EFCAB8: variants seen among roughly 807,000 people sequenced by gnomAD.
EFCAB8 encodes the protein EF-hand calcium-binding domain-containing protein 8.
A neutral mutation model predicts 116.3 loss-of-function variants in EFCAB8; 100 were observed. The observed-to-expected ratio is 0.86, with a 90% CI of 0.73 to 1.02. The LOEUF (loss-of-function observed/expected upper bound fraction) is 1.02. Among genes scored for constraint, EFCAB8 ranks in the 50% least tolerant of loss-of-function variants. EFCAB8 has a pLI of 0.00. For missense variants in EFCAB8, 1,320 were observed against 1,416.9 expected (o/e 0.93, Z 1.10); for synonymous variants, 558 against 567.9 (o/e 0.98, Z 0.25).
At chr20:32,913,815 A>G (rs2146250172) in intron 17 of EFCAB8, among the ~76,000 whole-genome samples, 2 of 152,320 alleles carry the variant, frequency 1.3e-5, no homozygotes, top group South Asian at 4.1e-4. Flanking sequence ...CAAGTCAAAA[A>G]TCCATCAGGG....
chr20:32,936,772 C>G (rs1600449527), intron 22 of EFCAB8, among the ~76,000 whole-genome samples: 1 of 152,044 alleles, frequency 6.6e-6, no homozygotes, highest in African/African-American at 2.4e-5. Context: ...TCTTTTTGCT[C>G]AAGATTGTTT....
At position 32,893,170 on chromosome 20, in the gene EFCAB8, G is replaced by A. The variant is rs1222784754; in HGVS notation, c.759-4G>A. On this transcript the variant is annotated splice_region_variant and splice_polypyrimidine_tract_variant and intron_variant, in intron 8 of 26. Coordinates refer to ENST00000400522, the MANE Select transcript of EFCAB8 (RefSeq NM_001143967.2). The stretch of plus-strand genomic sequence containing the variant: ...CAACCTCTTCCGTCTCCATCTTTCT[G>A]CAGGTCTGACTATCACAGAGGTGTG... 2 of 1,551,788 alleles carry A rather than the reference G, an allele frequency of 1.3e-6. No homozygotes were observed. The highest frequency in any genetic ancestry group is 1.2e-5 in the South Asian group (1 of 84,048).
rs1985948783 is a variant in EFCAB8, at chr20:32,892,127, TG to T, written c.674-83del. On this transcript the variant is annotated intron_variant, in intron 7 of 26. Transcript: ENST00000400522. ...AGGGCTGAAGGGGCCAGAGATTCCTTGGGATAGCAATGAGGCTGCTCACTGT... is the reference window on the plus strand; with the variant it reads ...AGGGCTGAAGGGGCCAGAGATTCCTTGGATAGCAATGAGGCTGCTCACTGT... 9 of 1,201,722 alleles carry T rather than the reference TG, an allele frequency of 7.5e-6. No homozygotes were observed. The Admixed American group carries it at 1.4e-4, about 19-fold the overall frequency. 74.4% of individuals were successfully genotyped at this position (1,201,722 alleles called of 1,614,324 possible). A position where few individuals can be genotyped will look rare whatever the true frequency, so the allele number is the denominator to read the frequency against.
intron 22 of EFCAB8, among the ~76,000 whole-genome samples, chr20:32,933,990 A>G (rs186954219): frequency 4.0e-5 from 6 of 150,248 alleles, no homozygotes; most frequent in Admixed American, 2.7e-4. Flanking sequence ...AAATCAATCA[A>G]TCAAATCAAA....
intron 1 of EFCAB8, among the ~76,000 whole-genome samples, chr20:32,863,011 ATT>A (rs11478583): frequency 0.015 from 2,176 of 148,316 alleles, 58 homozygotes; most frequent in African/African-American, 0.052. Context: ...TTTGCTGCCA[ATT>A]TTTTTTTTTT....
intron 1 of EFCAB8, among the ~76,000 whole-genome samples, chr20:32,862,082 C>T (rs149789806): frequency 7.8e-4 from 118 of 152,062 alleles, no homozygotes; most frequent in African/African-American, 2.7e-3. Context: ...TGTAGCCACT[C>T]CTCAAGTTTC....
chr20:32,873,265 C>A (rs949542488), intron 3 of EFCAB8, among the ~76,000 whole-genome samples: 1 of 151,948 alleles, frequency 6.6e-6, no homozygotes, highest in Non-Finnish European at 1.5e-5. Flanking sequence ...TGGAAGGAGC[C>A]CCCTGAACTC....
In EFCAB8 at chr20:32,908,364, T is replaced by G; in HGVS notation, c.1398T>G (p.Ser466Arg). The G allele has an allele frequency of 8.0e-7, 1 of 1,249,958 alleles. No individual in the cohort carries two copies. Among genetic ancestry groups the G allele is most frequent in the Non-Finnish European group, 1.0e-6 (1 of 988,248 alleles). 77.4% of individuals were successfully genotyped at this position (1,249,958 alleles called of 1,614,324 possible). Reference protein sequence around the residue: ...FFALGNCPITSAYFFEKDNTL... With the variant: ...FFALGNCPITRAYFFEKDNTL... Reference sequence around the variant, plus strand: ...CTCTGGGAAACTGCCCCATCACCAGTGCCTACTTCTTCGAGAAGGACAATA... The same window carrying G: ...CTCTGGGAAACTGCCCCATCACCAGGGCCTACTTCTTCGAGAAGGACAATA... The change falls in exon 14 of 27, where the codon AGT (serine) becomes AGG (arginine). Residue 466 changes from serine (S) to arginine (R), a missense_variant. Physicochemically the swap from Ser to Arg is moderately radical, Grantham distance 110. Transcript: ENST00000400522.
chr20:32,911,732 C>G (rs1459348266), intron 16 of EFCAB8, 25 bp downstream of exon 16: 1 of 1,547,274 alleles, frequency 6.5e-7, no homozygotes, highest in Admixed American at 2.0e-5. Flanking sequence ...TCAATTACAG[C>G]CAGGGACGGC....
At chr20:32,907,697 C>T (rs1986741606) in intron 13 of EFCAB8, among the ~76,000 whole-genome samples, 1 of 152,340 alleles carries the variant, frequency 6.6e-6, no homozygotes, top group South Asian at 2.1e-4. Context: ...GAGCTGGGAT[C>T]ATCGCCTCTG....
In EFCAB8 at chr20:32,868,920, G is replaced by A. The variant is rs191091035; in HGVS notation, c.208+1173G>A. On this transcript the variant is annotated intron_variant, in intron 3 of 26. Transcript: ENST00000400522. ...GAATCGCTTGAATCTGGGAAGCAGA[G>A]GTTGCAGTGAGCCAAGGTCATGCCA... 1.6e-4 allele frequency among the ~76,000 whole-genome samples: 24 copies of A among 152,202 alleles called. 1 individual carries two copies. Among genetic ancestry groups the A allele is most frequent in the Non-Finnish European group, 3.5e-4 (24 of 68,008 alleles).
chr20:32,937,411 C>T (rs1460848602), intron 22 of EFCAB8, among the ~76,000 whole-genome samples: 1 of 152,106 alleles, frequency 6.6e-6, no homozygotes, highest in East Asian at 1.9e-4. Flanking sequence ...TGGTTTCTAA[C>T]TTTTCATTAT....
chr20:32,909,129 C>T (rs952512476), intron 14 of EFCAB8, among the ~76,000 whole-genome samples: 1 of 152,216 alleles, frequency 6.6e-6, no homozygotes, highest in South Asian at 2.1e-4. Flanking sequence ...CTCCCACGCT[C>T]CGTGGGCTGG....
chr20:32,961,607 T>A lies in EFCAB8; in HGVS notation c.3865T>A (p.Ter1289ArgextTer67). ...GAAGGGGAGCTCCCATGTCAGGTTC[T>A]GAGGTGCTCCGCTGTCTTCTCTAGT... ...SVKGSSHVRF[*>R] Residue 1289 changes from the stop codon to arginine (R), a stop_lost, in exon 27 of 27, where the codon TGA becomes AGA. Transcript: ENST00000400522. The A allele has an allele frequency of 7.5e-7, 1 of 1,329,402 alleles. No homozygotes were observed. Among genetic ancestry groups the A allele is most frequent in the Non-Finnish European group, 9.6e-7 (1 of 1,039,608 alleles). 82.4% of individuals were successfully genotyped at this position (1,329,402 alleles called of 1,614,324 possible). A position where few individuals can be genotyped will look rare whatever the true frequency, so the allele number is the denominator to read the frequency against.
chr20:32,876,166 C>T, intron 4 of EFCAB8, 122 bp downstream of exon 4: 1 of 853,668 alleles, frequency 1.2e-6, no homozygotes, highest in Non-Finnish European at 1.9e-6. Flanking sequence ...CCTGTGGATT[C>T]TGGCCCCAGT....
intron 5 of EFCAB8, among the ~76,000 whole-genome samples, chr20:32,885,250 G>A (rs1985553962): frequency 6.6e-6 from 1 of 152,226 alleles, no homozygotes; most frequent in Admixed American, 6.5e-5. Flanking sequence ...TAAGCCTGCT[G>A]CTTCTCACTT....
intron 1 of EFCAB8, among the ~76,000 whole-genome samples, chr20:32,859,973 A>C (rs1166128846): frequency 6.6e-6 from 1 of 152,126 alleles, no homozygotes; most frequent in Non-Finnish European, 1.5e-5. Context: ...GTCACCTTTC[A>C]TCTCTAACAG....
intron 1 of EFCAB8, 72 bp from the exon 2 acceptor site, chr20:32,863,711 C>A (rs538822405): frequency 6.8e-7 from 1 of 1,463,168 alleles, no homozygotes; most frequent in Non-Finnish European, 9.2e-7. Flanking sequence ...CTTTCTGTGA[C>A]CTGGCTAAGT....
intron 23 of EFCAB8, among the ~76,000 whole-genome samples, chr20:32,948,584 A>G (rs189141160): frequency 1.6e-4 from 24 of 147,546 alleles, no homozygotes; most frequent in East Asian, 1.0e-3. Context: ...AAGAAAGAAA[A>G]GAAAGGAAAA....
Sources: gnomAD v4.1 joint callset for allele counts (sites outside exome capture counted in the v4.1 genomes callset) on GRCh38, gnomAD v4.1.1 for gene constraint, MANE v1.5 for transcripts, NCBI Gene and HGNC (gene_info 2026-07-23, HGNC 2026-07-21) for gene names.